Variants in MAN1C1 observed in about 807,000 individuals in gnomAD.
MAN1C1 encodes mannosidase alpha class 1C member 1.
A neutral mutation model predicts 71.5 loss-of-function variants in MAN1C1; 49 were observed. The ratio of observed to expected loss-of-function variants is 0.69; its 90% CI spans 0.54 to 0.87. The LOEUF (loss-of-function observed/expected upper bound fraction) is 0.87, where lower values mean the gene tolerates loss of function less well. Ranked by LOEUF, MAN1C1 falls within the 40% of genes least tolerant of loss-of-function variation. MAN1C1 has a pLI of 0.00. For missense variants in MAN1C1, 743 were observed against 835.0 expected (o/e 0.89, Z 1.36); for synonymous variants, 352 against 343.7 (o/e 1.02, Z -0.27).
At chr1:25,740,423 T>C (rs2047045018) in intron 2 of MAN1C1, among the ~76,000 whole-genome samples, 1 of 149,958 alleles carries the variant, frequency 6.7e-6, no homozygotes, top group African/African-American at 2.5e-5. Context: ...TGAATTTTTG[T>C]TGTTGTTGTT....
At chr1:25,704,702 A>C (rs1543338) in intron 2 of MAN1C1, among the ~76,000 whole-genome samples, 36,676 of 152,180 alleles carry the variant, frequency 0.24, 7,072 homozygotes, top group African/African-American at 0.53. Context: ...GTCTCTCCTT[A>C]CAGAGAGCTG....
chr1:25,633,518 G>T (rs118172772), intron 1 of MAN1C1, among the ~76,000 whole-genome samples: 1 of 146,220 alleles, frequency 6.8e-6, no homozygotes, highest in South Asian at 2.1e-4. Context: ...TTATCATTAT[G>T]TAATGACCTT....
At chr1:25,618,361 C>T in intron 1 of MAN1C1, 24 bp downstream of exon 1, 4 of 1,577,594 alleles carry the variant, frequency 2.5e-6, no homozygotes, top group Non-Finnish European at 3.4e-6. Flanking sequence ...CCCCAAACTC[C>T]TCCCACCAAC....
chr1:25,681,798 T>C (rs1328857607), intron 1 of MAN1C1, among the ~76,000 whole-genome samples: 2 of 152,120 alleles, frequency 1.3e-5, no homozygotes, highest in Non-Finnish European at 2.9e-5. Context: ...GGCCAACACT[T>C]TTCATTGTCC....
At chr1:25,740,518 G>A (rs969413387) in intron 2 of MAN1C1, among the ~76,000 whole-genome samples, 2 of 152,096 alleles carry the variant, frequency 1.3e-5, no homozygotes, top group Non-Finnish European at 2.9e-5. Context: ...CTCACTGCAA[G>A]CTCCGCCTCC....
intron 2 of MAN1C1, among the ~76,000 whole-genome samples, chr1:25,699,455 C>G (rs537359118): frequency 5.3e-5 from 8 of 152,146 alleles, no homozygotes; most frequent in African/African-American, 1.9e-4. Context: ...TGGGTGGGGG[C>G]CATGGTAAGA....
chr1:25,658,958 T>G (rs1468550699), intron 1 of MAN1C1: 1 of 152,564 alleles, frequency 6.6e-6, no homozygotes, highest in African/African-American at 2.4e-5. Flanking sequence ...AGCAGCAGCA[T>G]CAGTGGCCCT....
chr1:25,758,629 A>C lies in MAN1C1; in HGVS notation c.967A>C (p.Ile323Leu). The change falls in exon 6 of 12, where the codon ATC becomes CTC. Residue 323 changes from isoleucine (I) to leucine (L), a missense_variant. Physicochemically the swap from Ile to Leu is conservative, Grantham distance 5. Coordinates refer to ENST00000374332, the MANE Select transcript of MAN1C1 (RefSeq NM_020379.4). ...WGWATAGSSS[I>L]LAEFGSLHLE... ...CTGGGCCACAGCCGGCAGCAGCAGC[A>C]TCTTGGCGGAGTTTGGATCCCTGCA... The C allele has an allele frequency of 6.2e-7, 1 of 1,614,220 alleles. No homozygotes were observed.
chr1:25,758,726 C>T lies in MAN1C1; in HGVS notation c.1047+17C>T, dbSNP rs147447261. ...GCTGAAAAGGCAAGTCTCCTCCCCACCCTTCTTCCTGCGGAGCAGAGGGAT... is the reference window on the plus strand; with the variant it reads ...GCTGAAAAGGCAAGTCTCCTCCCCATCCTTCTTCCTGCGGAGCAGAGGGAT... On this transcript the variant is annotated intron_variant, in intron 6 of 11. Coordinates refer to ENST00000374332, the MANE Select transcript of MAN1C1 (RefSeq NM_020379.4). 17 of 1,599,690 alleles carry T rather than the reference C, an allele frequency of 1.1e-5. No homozygotes were observed. In the East Asian group the frequency reaches 2.5e-4, roughly 23 times the overall value.
chr1:25,653,399 C>G (rs546076641), intron 1 of MAN1C1, among the ~76,000 whole-genome samples: 33 of 152,260 alleles, frequency 2.2e-4, no homozygotes, highest in African/African-American at 7.7e-4. Context: ...TGTTGAAACC[C>G]CCAACCATTT....
intron 7 of MAN1C1, among the ~76,000 whole-genome samples, chr1:25,767,937 ACCCACACT>A (rs1330892959): frequency 4.0e-5 from 2 of 49,744 alleles, no homozygotes; most frequent in Admixed American, 2.6e-4. Flanking sequence ...AGACCCACAC[ACCCACACT>A]CCCCTCACAT....
Position 25,631,959 on chromosome 1 carries a change from T to C in MAN1C1, c.540+13622T>C, listed in dbSNP as rs1236567773. On this transcript the variant is annotated intron_variant, in intron 1 of 11. Transcript: ENST00000374332. The surrounding 1 kb of genome is among the most constrained non-coding windows in gnomAD (Gnocchi z 4.2). Reference sequence around the variant, plus strand: ...GCTAATTTTTGTATTTTTTGTAGGATGGGGTTTCACCATGTTGGCTAGGCT... The same window carrying C: ...GCTAATTTTTGTATTTTTTGTAGGACGGGGTTTCACCATGTTGGCTAGGCT... Among the ~76,000 whole-genome samples the C allele has an allele frequency of 1.3e-5, 2 of 152,092 alleles. No individual in the cohort carries two copies. The highest frequency in any genetic ancestry group is 4.8e-5 in the African/African-American group (2 of 41,426).
chr1:25,738,375 G>A (rs997288179), intron 2 of MAN1C1, among the ~76,000 whole-genome samples: 7 of 152,190 alleles, frequency 4.6e-5, no homozygotes, highest in African/African-American at 1.7e-4. Context: ...AGACGATCTG[G>A]TTTTAAACAA....
chr1:25,757,804 C>T (rs2047309072), intron 5 of MAN1C1, among the ~76,000 whole-genome samples: 1 of 152,256 alleles, frequency 6.6e-6, no homozygotes, highest in African/African-American at 2.4e-5. Context: ...GCAAACTGCA[C>T]AGCAGTTAGC....
intron 4 of MAN1C1, 60 bp downstream of exon 4, chr1:25,749,395 C>A (rs2047182215): frequency 1.5e-6 from 2 of 1,368,914 alleles, no homozygotes; most frequent in Admixed American, 1.9e-5. Context: ...TGGAGAATAT[C>A]CAGTCCTTCC....
intron 2 of MAN1C1, among the ~76,000 whole-genome samples, chr1:25,720,257 G>T (rs890351769): frequency 6.6e-6 from 1 of 150,752 alleles, no homozygotes; most frequent in African/African-American, 2.4e-5. Flanking sequence ...TGTTGCCCAG[G>T]CTGGAGTGCA....
Position 25,618,113 on chromosome 1 carries a change from A to T in MAN1C1, c.316A>T (p.Lys106Ter), listed in dbSNP as rs2045137974. Residue 106 changes from lysine (K) to a stop codon, truncating the protein, a stop_gained, in exon 1 of 12, where the codon AAA becomes TAA. Coordinates refer to ENST00000374332, the MANE Select transcript of MAN1C1 (RefSeq NM_020379.4). LOFTEE classifies it high-confidence loss of function. ...PSSWASPRRR[K>*]GGLRRTRPTG... is the part of the protein sequence containing the mutation. ...CAGCTGGGCCAGTCCCCGCCGCAGG[A>T]AAGGGGGGCTGCGGCGCACCCGCCC... 1.3e-6 allele frequency: 2 copies of T among 1,513,388 alleles called. No individual in the cohort carries two copies. Among genetic ancestry groups the T allele is most frequent in the Non-Finnish European group, 8.8e-7 (1 of 1,139,048 alleles). 93.7% of individuals were successfully genotyped at this position (1,513,388 alleles called of 1,614,324 possible).
chr1:25,751,450 A>C (rs2047214962), intron 4 of MAN1C1, among the ~76,000 whole-genome samples: 1 of 152,128 alleles, frequency 6.6e-6, no homozygotes, highest in South Asian at 2.1e-4. Flanking sequence ...ACTTCCTAGA[A>C]GGCACCAGCA....
In MAN1C1 at chr1:25,649,626, G is replaced by A. The variant is rs553219967; in HGVS notation, c.540+31289G>A. 3.9e-5 allele frequency among the ~76,000 whole-genome samples: 6 copies of A among 152,218 alleles called. No homozygotes were observed. In the East Asian group the frequency reaches 1.2e-3, roughly 29 times the overall value. Reference sequence around the variant, plus strand: ...ACTGGGCTGCCTTTCCCCAGTTTTGGGGCTGGGTAGCAGTCCTTTTTCTTT... The same window carrying A: ...ACTGGGCTGCCTTTCCCCAGTTTTGAGGCTGGGTAGCAGTCCTTTTTCTTT... On this transcript the variant is annotated intron_variant, in intron 1 of 11. Transcript: ENST00000374332.
Sources: gnomAD v4.1 joint callset for allele counts (sites outside exome capture counted in the v4.1 genomes callset) on GRCh38, gnomAD v4.1.1 for gene constraint, Gnocchi (gnomAD v3.1) non-coding constraint, MANE v1.5 for transcripts, NCBI Gene and HGNC (gene_info 2026-07-23, HGNC 2026-07-21) for gene names.